CIT: variants seen among roughly 807,000 people sequenced by gnomAD.
CIT encodes citron rho-interacting serine/threonine kinase.
In CIT, 79 loss-of-function variants were observed where a neutral mutation model predicts 272.7. That is an observed-to-expected ratio of 0.29 (90% CI 0.24 to 0.35). CIT has a LOEUF of 0.35. Ranked by LOEUF, CIT falls within the 10% of genes least tolerant of loss-of-function variation. The pLI, the probability that CIT is intolerant of heterozygous loss-of-function variation, is 1.00. For missense variants in CIT, 1,909 were observed against 2,618.3 expected (o/e 0.73, Z 5.91); for synonymous variants, 948 against 995.6 (o/e 0.95, Z 0.90).
Position 119,804,749 on chromosome 12 carries a change from A to G in CIT, c.1112-1360T>C, listed in dbSNP as rs993213124. On this transcript the variant is annotated intron_variant, in intron 9 of 47. Transcript: ENST00000392521. This position sits in a 1 kb window ranked among gnomAD's most constrained non-coding sequence, Gnocchi z 5.3. ...GGAGCAGGAAAGGGATGTGGAGGGG[A>G]GAGGAGATGAAGCCAGAGGTCTGGC... Among the ~76,000 whole-genome samples, 3 of 152,176 alleles carry G rather than the reference A, an allele frequency of 2.0e-5. No individual in the cohort carries two copies. Among genetic ancestry groups the G allele is most frequent in the Non-Finnish European group, 4.4e-5 (3 of 68,040 alleles).
intron 4 of CIT, among the ~76,000 whole-genome samples, chr12:119,851,561 T>A (rs576451925): frequency 1.3e-5 from 2 of 152,232 alleles, no homozygotes; most frequent in East Asian, 3.9e-4. Flanking sequence ...CTTGGAGACA[T>A]GTGAAAAGGA....
chr12:119,728,306 T>C lies in CIT; in HGVS notation c.3591+196A>G, dbSNP rs574754968. On this transcript the variant is annotated intron_variant, in intron 28 of 47. Transcript: ENST00000392521. The surrounding 1 kb of genome is among the most constrained non-coding windows in gnomAD (Gnocchi z 4.3). The stretch of plus-strand genomic sequence containing the variant: ...CGATGTGTCAGTGCAGGCCCATTGA[T>C]TGTAACAAATGGACACTCTGGTACA... 7.2e-5 allele frequency among the ~76,000 whole-genome samples: 11 copies of C among 152,300 alleles called. No individual in the cohort carries two copies. The East Asian group carries it at 2.1e-3, about 29-fold the overall frequency.
At chr12:119,721,569 T>A (rs565599144) in intron 28 of CIT, 120 bp from the exon 29 acceptor site, 4 of 948,722 alleles carry the variant, frequency 4.2e-6, no homozygotes, top group Admixed American at 2.6e-5. Context: ...TTTGAAATCA[T>A]CTCAATTCAG....
At position 119,825,135 on chromosome 12, in the gene CIT, T is replaced by A. The variant is rs369038684; in HGVS notation, c.957+30A>T. 4.4e-6 allele frequency: 7 copies of A among 1,587,276 alleles called. No homozygotes were observed. In the African/African-American group the frequency reaches 9.4e-5, roughly 21 times the overall value. On this transcript the variant is annotated intron_variant, in intron 8 of 47. Coordinates refer to ENST00000392521, the MANE Select transcript of CIT (RefSeq NM_001206999.2). ...AATTTTTAAATAACGTTTCTCAATG[T>A]GACTTCGAAATCTTCTAAGGACTCT...
chr12:119,769,075 C>CT (rs10719345), intron 18 of CIT, among the ~76,000 whole-genome samples: 130 of 142,584 alleles, frequency 9.1e-4, no homozygotes, highest in African/African-American at 1.7e-3. Flanking sequence ...GATAATCATC[C>CT]TTTTTTTTTT....
At chr12:119,783,812 C>A in intron 12 of CIT, 96 bp downstream of exon 12, 1 of 1,420,688 alleles carries the variant, frequency 7.0e-7, no homozygotes, top group Non-Finnish European at 9.5e-7. Flanking sequence ...CTGCCATTGG[C>A]TGTGATGTGC....
intron 39 of CIT, among the ~76,000 whole-genome samples, chr12:119,709,322 G>A (rs1957035083): frequency 6.6e-6 from 1 of 151,940 alleles, no homozygotes; most frequent in Non-Finnish European, 1.5e-5. Context: ...ATGTGTCAAT[G>A]TAGGTTCACT....
chr12:119,784,463 T>C lies in CIT; in HGVS notation c.1402-412A>G. ...CCAGGACAGGGCAAGGAGATATTTA[T>C]TCGTCTGCACTCTTAGGAGTCCCAG... On this transcript the variant is annotated intron_variant, in intron 11 of 47. Coordinates refer to ENST00000392521, the MANE Select transcript of CIT (RefSeq NM_001206999.2). This position sits in a 1 kb window ranked among gnomAD's most constrained non-coding sequence, Gnocchi z 4.7. 8.3e-7 allele frequency: 1 copy of C among 1,199,870 alleles called. No individual in the cohort carries two copies. Among genetic ancestry groups the C allele is most frequent in the African/African-American group, 1.6e-5 (1 of 63,160 alleles). The allele number at this position is 1,199,870 out of a possible 1,614,324, so 74.3% of individuals were successfully genotyped here.
Position 119,718,314 on chromosome 12 carries a change from G to A in CIT, c.4099C>T (p.His1367Tyr). ...AGCAGGCTCATGGCACTGGGCTGGT[G>A]CTCTGGCGACCGCACGATGGCGGAC... is the stretch of plus-strand genomic sequence containing the variant. ...AMSAIVRSPE[H>Y]QPSAMSLLAP... Residue 1367 changes from histidine to tyrosine, a missense_variant, in exon 32 of 48, where the codon CAC (histidine) becomes TAC (tyrosine). His to Tyr is a moderately conservative substitution (Grantham distance 83). This residue lies in a region of CIT where 780 missense variants were observed against 1,067.2 expected (regional missense o/e 0.73). Coordinates refer to ENST00000392521, the MANE Select transcript of CIT (RefSeq NM_001206999.2). This position sits in a 1 kb window ranked among gnomAD's most constrained non-coding sequence, Gnocchi z 4.8. The A allele has an allele frequency of 1.2e-6, 2 of 1,614,038 alleles. No homozygotes were observed. Among genetic ancestry groups the A allele is most frequent in the African/African-American group, 1.3e-5 (1 of 75,058 alleles).
chr12:119,791,943 T>C (rs187874022), intron 10 of CIT, among the ~76,000 whole-genome samples: 5 of 152,364 alleles, frequency 3.3e-5, no homozygotes, highest in Admixed American at 3.3e-4. Context: ...TTGCTTTACA[T>C]GTAACCTCAA....
chr12:119,858,167 C>A (rs928171961), intron 3 of CIT, among the ~76,000 whole-genome samples: 2 of 152,178 alleles, frequency 1.3e-5, no homozygotes, highest in Non-Finnish European at 1.5e-5. Flanking sequence ...CAAGGTTCAT[C>A]TTCCTTGGAT....
At chr12:119,719,512 T>C (rs1350584674) in intron 30 of CIT, among the ~76,000 whole-genome samples, 1 of 152,056 alleles carries the variant, frequency 6.6e-6, no homozygotes, top group Non-Finnish European at 1.5e-5. Flanking sequence ...AGATTAAATA[T>C]CATAAGCATA....
Position 119,720,403 on chromosome 12 carries a change from A to G in CIT, c.3840+75T>C, listed in dbSNP as rs533024776. The G allele has an allele frequency of 2.2e-3, 2,039 of 946,884 alleles. 4 individuals carry two copies. Among genetic ancestry groups the G allele is most frequent in the Non-Finnish European group, 2.9e-3 (1,781 of 610,050 alleles). 58.7% of individuals were successfully genotyped at this position (946,884 alleles called of 1,614,324 possible). A position where few individuals can be genotyped will look rare whatever the true frequency, so the allele number is the denominator to read the frequency against. On this transcript the variant is annotated intron_variant, in intron 30 of 47. Transcript: ENST00000392521. ...TTCTTCTATGTTCCTATGATCATAT[A>G]TCACAGTGGTGTCCACTGAGCCATG... is the stretch of plus-strand genomic sequence containing the variant.
In CIT at chr12:119,720,571, A is replaced by G; in HGVS notation, c.3747T>C (p.His1249=). Residue 1249 remains histidine (H), a synonymous_variant, in exon 30 of 48, where the codon CAT becomes CAC. Coordinates refer to ENST00000392521, the MANE Select transcript of CIT (RefSeq NM_001206999.2). ...TAGTGCCTTCCATTTTCACCTTTTC[A>G]TGAGAATAGAGAACCTAAAATTCAA... ...QLENIQVLYS[H]EKVKMEGTIS... is the part of the protein sequence containing the mutation. 3 of 1,605,732 alleles carry G rather than the reference A, an allele frequency of 1.9e-6. No individual in the cohort carries two copies. Among genetic ancestry groups the G allele is most frequent in the Non-Finnish European group, 2.5e-6 (3 of 1,177,104 alleles).
Position 119,713,299 on chromosome 12 carries a change from G to A in CIT, c.4488-5C>T. The A allele has an allele frequency of 1.2e-6, 2 of 1,613,442 alleles. No individual in the cohort carries two copies. Among genetic ancestry groups the A allele is most frequent in the Non-Finnish European group, 1.7e-6 (2 of 1,179,464 alleles). On this transcript the variant is annotated splice_polypyrimidine_tract_variant and splice_region_variant and intron_variant, in intron 34 of 47. Coordinates refer to ENST00000392521, the MANE Select transcript of CIT (RefSeq NM_001206999.2). This position sits in a 1 kb window ranked among gnomAD's most constrained non-coding sequence, Gnocchi z 5.2. ...TGCTGTCCTCGTTTGTTATTCCTGG[G>A]GAAAGAAAGATGGAAAAGAAAAATG...
At chr12:119,841,007 T>C (rs550560989) in intron 5 of CIT, among the ~76,000 whole-genome samples, 1 of 152,078 alleles carries the variant, frequency 6.6e-6, no homozygotes, top group South Asian at 2.1e-4. Flanking sequence ...CAGGTGTGGG[T>C]TGAAAGCAAG....
At chr12:119,846,785 G>A (rs1248058050) in intron 5 of CIT, among the ~76,000 whole-genome samples, 1 of 151,768 alleles carries the variant, frequency 6.6e-6, no homozygotes, top group Non-Finnish European at 1.5e-5. Flanking sequence ...TGTACCTGTT[G>A]TCCCAGCTAA....
chr12:119,763,717 T>C (rs1387338421), intron 19 of CIT, among the ~76,000 whole-genome samples: 1 of 152,164 alleles, frequency 6.6e-6, no homozygotes, highest in Non-Finnish European at 1.5e-5. Context: ...CCCCCTTCAA[T>C]GTCTGGTTGG....
At chr12:119,741,064 C>T (rs1162620049) in intron 24 of CIT, among the ~76,000 whole-genome samples, 1 of 152,054 alleles carries the variant, frequency 6.6e-6, no homozygotes. Flanking sequence ...CAGCTTGATC[C>T]ATTATGGAAA....
Sources: gnomAD v4.1 joint callset for allele counts (sites outside exome capture counted in the v4.1 genomes callset) on GRCh38, gnomAD v4.1.1 for gene constraint, gnomAD v4.1.1 regional missense constraint, Gnocchi (gnomAD v3.1) non-coding constraint, MANE v1.5 for transcripts, NCBI Gene and HGNC (gene_info 2026-07-23, HGNC 2026-07-21) for gene names.